Variants in ZBTB20 observed in about 807,000 individuals in gnomAD.
The protein encoded by ZBTB20 is zinc finger and BTB domain containing 20, also known as zinc finger and BTB domain-containing protein 20.
Under a neutral mutation model 56.9 loss-of-function variants are expected in ZBTB20, and 9 were observed. The observed-to-expected ratio is 0.16, with a 90% CI of 0.10 to 0.28. The LOEUF is 0.28. Among genes scored for constraint, ZBTB20 ranks in the 10% least tolerant of loss-of-function variants. The pLI, the probability that ZBTB20 is intolerant of heterozygous loss-of-function variation, is 1.00. For synonymous variants in ZBTB20, 417 were observed against 420.7 expected, an observed-to-expected ratio of 0.99 and a Z score of 0.11; for missense variants, 655 against 1,003.0, an observed-to-expected ratio of 0.65 and a Z score of 4.69.
chr3:114,479,002 G>A (rs1276793583), intron 7 of ZBTB20, among the ~76,000 whole-genome samples: 1 of 151,128 alleles, frequency 6.6e-6, no homozygotes, highest in Non-Finnish European at 1.5e-5. Context: ...TCACAGTACT[G>A]AGCAAAGTGC....
intron 1 of ZBTB20, among the ~76,000 whole-genome samples, chr3:115,145,987 T>C (rs952578938): frequency 2.0e-5 from 3 of 152,216 alleles, no homozygotes; most frequent in African/African-American, 7.2e-5. Flanking sequence ...AACTTGACTT[T>C]AGCACCCTTT....
intron 4 of ZBTB20, among the ~76,000 whole-genome samples, chr3:114,868,285 C>G (rs1014744722): frequency 1.3e-5 from 2 of 152,172 alleles, no homozygotes; most frequent in African/African-American, 4.8e-5. Flanking sequence ...CACTTGGCAA[C>G]TGACAATAAG....
intron 5 of ZBTB20, among the ~76,000 whole-genome samples, chr3:114,734,375 A>T (rs180838075): frequency 4.2e-4 from 64 of 152,230 alleles, no homozygotes; most frequent in Non-Finnish European, 7.9e-4. Context: ...CTCAGATTGG[A>T]ATACAAGCTG....
Position 114,868,910 on chromosome 3 carries a change from C to A in ZBTB20, c.-417+31394G>T, listed in dbSNP as rs927066531. 6.6e-5 allele frequency among the ~76,000 whole-genome samples: 10 copies of A among 152,120 alleles called. No individual in the cohort carries two copies. In the South Asian group the frequency reaches 1.5e-3, roughly 22 times the overall value. On this transcript the variant is annotated intron_variant, in intron 4 of 11. Coordinates refer to ENST00000675478, the MANE Select transcript of ZBTB20 (RefSeq NM_001348800.3). ...AAGCTGCAAATAACCAATTTAATTA[C>A]CCTAACAGTCATTTTTTTTTGCAGG...
At chr3:114,426,058 G>A (rs540220247) in intron 7 of ZBTB20, among the ~76,000 whole-genome samples, 6 of 151,692 alleles carry the variant, frequency 4.0e-5, no homozygotes, top group African/African-American at 1.2e-4. Flanking sequence ...CTCCTCAGCC[G>A]GGTGCGGTGG....
chr3:114,986,768 C>A (rs1259177775), intron 2 of ZBTB20, among the ~76,000 whole-genome samples: 2 of 152,060 alleles, frequency 1.3e-5, no homozygotes, highest in Non-Finnish European at 2.9e-5. Context: ...ACCAAAACAG[C>A]CACACAATTA....
chr3:115,099,200 G>C (rs1159630280), intron 1 of ZBTB20, among the ~76,000 whole-genome samples: 1 of 152,032 alleles, frequency 6.6e-6, no homozygotes, highest in South Asian at 2.1e-4. Flanking sequence ...CCACAAAACT[G>C]AATTTGAAAT....
At position 114,430,618 on chromosome 3, in the gene ZBTB20, A is replaced by G. The variant is rs114585207; in HGVS notation, c.-254-41513T>C. Among the ~76,000 whole-genome samples, 1,477 of 152,334 alleles carry G rather than the reference A, an allele frequency of 9.7e-3. 11 individuals are homozygous for G. Among genetic ancestry groups the G allele is most frequent in the Non-Finnish European group, 0.014 (922 of 68,034 alleles). Reference sequence around the variant, plus strand: ...CATTTGGATCCACCATAGAATATTGATGTAGAAAATTCAAATCACTCATGT... The same window carrying G: ...CATTTGGATCCACCATAGAATATTGGTGTAGAAAATTCAAATCACTCATGT... On this transcript the variant is annotated intron_variant, in intron 7 of 11. Coordinates refer to ENST00000675478, the MANE Select transcript of ZBTB20 (RefSeq NM_001348800.3).
chr3:115,114,146 G>A (rs145180918), intron 1 of ZBTB20, among the ~76,000 whole-genome samples: 2 of 152,254 alleles, frequency 1.3e-5, no homozygotes, highest in East Asian at 3.9e-4. Context: ...TTACTGAAGA[G>A]CAAACTGCTC....
intron 3 of ZBTB20, among the ~76,000 whole-genome samples, chr3:114,908,012 C>T (rs1289108061): frequency 6.6e-6 from 1 of 151,894 alleles, no homozygotes; most frequent in East Asian, 1.9e-4. Flanking sequence ...GGAAAGATCA[C>T]ATTCAAGTGA....
chr3:114,505,272 G>C (rs1303039823), intron 6 of ZBTB20, among the ~76,000 whole-genome samples: 1 of 152,100 alleles, frequency 6.6e-6, no homozygotes, highest in East Asian at 1.9e-4. Context: ...GGGTGATAAA[G>C]AGTGAGACAA....
intron 2 of ZBTB20, among the ~76,000 whole-genome samples, chr3:115,024,988 T>C (rs79565359): frequency 0.089 from 13,443 of 151,246 alleles, 1,748 homozygotes; most frequent in African/African-American, 0.28. Flanking sequence ...TACATGTTTG[T>C]TACATAGGTA....
At chr3:114,380,468 A>G in intron 9 of ZBTB20, 64 bp from the exon 10 acceptor site, 2 of 1,448,882 alleles carry the variant, frequency 1.4e-6, no homozygotes, top group South Asian at 1.4e-5. Context: ...GCATTTTTAG[A>G]ATCTGTTAAA....
At chr3:114,693,096 TC>T (rs2062795636) in intron 6 of ZBTB20, among the ~76,000 whole-genome samples, 1 of 152,168 alleles carries the variant, frequency 6.6e-6, no homozygotes, top group South Asian at 2.1e-4. Context: ...TTGAGTTTTT[TC>T]AAAACATACA....
intron 5 of ZBTB20, among the ~76,000 whole-genome samples, chr3:114,699,096 G>A (rs1209800414): frequency 2.0e-5 from 3 of 152,102 alleles, no homozygotes; most frequent in East Asian, 3.8e-4. Context: ...GTTGACTTCA[G>A]TTCCATTTTA....
At chr3:114,665,260 T>C (rs1463066439) in intron 6 of ZBTB20, among the ~76,000 whole-genome samples, 2 of 152,054 alleles carry the variant, frequency 1.3e-5, no homozygotes, top group Non-Finnish European at 2.9e-5. Flanking sequence ...TCTGTTACAA[T>C]TGCCTACAGT....
chr3:114,524,190 TGG>T (rs2046962513), intron 6 of ZBTB20, among the ~76,000 whole-genome samples: 2 of 152,064 alleles, frequency 1.3e-5, no homozygotes, highest in Admixed American at 1.3e-4. Context: ...GGGGTCCTAG[TGG>T]GTTTAAGGAA....
intron 5 of ZBTB20, among the ~76,000 whole-genome samples, chr3:114,779,645 T>A (rs985933524): frequency 6.6e-6 from 1 of 152,224 alleles, no homozygotes; most frequent in African/African-American, 2.4e-5. Context: ...GCTAATAATC[T>A]GTACTGTGCT....
chr3:114,696,351 C>A (rs1470635895), intron 5 of ZBTB20, among the ~76,000 whole-genome samples: 3 of 151,990 alleles, frequency 2.0e-5, no homozygotes, highest in Admixed American at 2.0e-4. Flanking sequence ...GGAGATCAAG[C>A]GCTTCAATAG....
Sources: allele counts gnomAD v4.1 joint callset (sites outside exome capture counted in the v4.1 genomes callset), GRCh38; gene constraint gnomAD v4.1.1; transcripts MANE v1.5; gene names NCBI Gene and HGNC (gene_info 2026-07-23, HGNC 2026-07-21).